DIP2A: variants seen among roughly 807,000 people sequenced by gnomAD.
DIP2A encodes disco-interacting protein 2 homolog A.
DIP2A carries 85 observed loss-of-function variants against 177.4 expected under a neutral mutation model. That is an observed-to-expected ratio of 0.48 (90% confidence interval 0.40 to 0.57). The LOEUF is 0.57. DIP2A is among the 20% of genes least tolerant of loss of function. The probability of loss-of-function intolerance (pLI) is 0.00; values close to 1 mark genes in which losing one functional copy is unlikely to be tolerated. For missense variants in DIP2A, 1,791 were observed against 2,100.2 expected (o/e 0.85, Z 2.88); for synonymous variants, 886 against 881.8 (o/e 1.00, Z -0.08).
At chr21:46,508,073 G>T (rs1336653514) in intron 6 of DIP2A, among the ~76,000 whole-genome samples, 2 of 149,830 alleles carry the variant, frequency 1.3e-5, no homozygotes, top group African/African-American at 4.9e-5. Flanking sequence ...TGACTCTGTT[G>T]CCCAGGCTGG....
Position 46,539,777 on chromosome 21 carries a change from C to G in DIP2A, c.1922-100C>G, listed in dbSNP as rs776574895. 6 of 967,906 alleles carry G rather than the reference C, an allele frequency of 6.2e-6. No homozygotes were observed. The African/African-American group carries it at 9.6e-5, about 15-fold the overall frequency. 60.0% of individuals were successfully genotyped at this position (967,906 alleles called of 1,614,324 possible). On this transcript the variant is annotated intron_variant, in intron 16 of 37. Coordinates refer to ENST00000417564, the MANE Select transcript of DIP2A (RefSeq NM_015151.4). The stretch of plus-strand genomic sequence containing the variant: ...CTTCTGCTGATGCAGCCCTGTGGTT[C>G]CGATGGCCGCAGGCTGCGCTAACTT...
rs2059639142 is a variant in DIP2A, at chr21:46,537,873, C to G, written c.1801+334C>G. 6.6e-6 allele frequency among the ~76,000 whole-genome samples: 1 copy of G among 152,156 alleles called. No homozygotes were observed. The highest frequency in any genetic ancestry group is 2.4e-5 in the African/African-American group (1 of 41,446). On this transcript the variant is annotated intron_variant, in intron 15 of 37. Transcript: ENST00000417564. The surrounding 1 kb of genome is among the most constrained non-coding windows in gnomAD (Gnocchi z 4.1). ...CACAGTTGGCAGTCTGTGTCTCTGC[C>G]CTGTGGAGCTCAGTGGCACTTCTAC...
chr21:46,490,265 T>C (rs995427041), intron 2 of DIP2A, among the ~76,000 whole-genome samples: 1 of 151,990 alleles, frequency 6.6e-6, no homozygotes, highest in African/African-American at 2.4e-5. Context: ...AATTCAGAGG[T>C]GGGCTTTGGG....
chr21:46,577,205 C>T, the DIP2A span, among the ~76,000 whole-genome samples: 117 of 152,186 alleles, frequency 7.7e-4, no homozygotes, highest in African/African-American at 2.4e-3. Flanking sequence ...AATCTCTGTC[C>T]GTGCCTATGT....
chr21:46,536,900 T>C (rs2059596518), intron 13 of DIP2A, among the ~76,000 whole-genome samples: 1 of 134,348 alleles, frequency 7.4e-6, no homozygotes, highest in Non-Finnish European at 1.7e-5. Context: ...CAAGACTCTG[T>C]CTCAAAAAAA....
rs2070428 is a variant in DIP2A, at chr21:46,556,290, A to G, written c.3498+199A>G. On this transcript the variant is annotated intron_variant, in intron 29 of 37. Transcript: ENST00000417564. The surrounding 1 kb of genome is among the most constrained non-coding windows in gnomAD (Gnocchi z 4.5). The stretch of plus-strand genomic sequence containing the variant: ...CTGAGAGTAATGCGTTTTCTGATGC[A>G]TTATGGTTATGTCTAAACTTTCTGA... 6.6e-7 allele frequency: 1 copy of G among 1,510,498 alleles called. No homozygotes were observed. The highest frequency in any genetic ancestry group is 1.2e-5 in the South Asian group (1 of 82,604). The allele number at this position is 1,510,498 out of a possible 1,614,324, so 93.6% of individuals were successfully genotyped here.
At chr21:46,554,482 C>T in intron 26 of DIP2A, 93 bp from the exon 27 acceptor site, 4 of 1,555,446 alleles carry the variant, frequency 2.6e-6, no homozygotes, top group East Asian at 2.3e-5. Context: ...CCCCCCAGCA[C>T]CACCTCCCCT....
chr21:46,536,573 T>A (rs1332453928), intron 13 of DIP2A, among the ~76,000 whole-genome samples: 1 of 152,160 alleles, frequency 6.6e-6, no homozygotes, highest in Non-Finnish European at 1.5e-5. Context: ...CACCTCTTGA[T>A]TCTGAGAAGA....
At chr21:46,461,091 G>A (rs1298674132) in intron 1 of DIP2A, among the ~76,000 whole-genome samples, 1 of 151,502 alleles carries the variant, frequency 6.6e-6, no homozygotes, top group Non-Finnish European at 1.5e-5. Context: ...TTGGAGACGG[G>A]AGTTCAGAAC....
rs559186731 is a variant in DIP2A at position 46,567,342 on chromosome 21, T to C, written c.4464-28T>C. ...CCCCTGTGACCTGTGCCTGTATCCA[T>C]GTGACCCAGTCTGTCTTCTCTCTGC... On this transcript the variant is annotated intron_variant, in intron 37 of 37. Coordinates refer to ENST00000417564, the MANE Select transcript of DIP2A (RefSeq NM_015151.4). 9.4e-6 allele frequency: 15 copies of C among 1,599,590 alleles called. No homozygotes were observed. In the South Asian group the frequency reaches 1.5e-4, roughly 16 times the overall value.
chr21:46,583,634 G>C, the DIP2A span, among the ~76,000 whole-genome samples: 1 of 152,154 alleles, frequency 6.6e-6, no homozygotes, highest in Non-Finnish European at 1.5e-5. Context: ...GAGGTGTTTG[G>C]GTCATGAGGG....
chr21:46,484,216 T>C (rs1469912924), intron 1 of DIP2A, among the ~76,000 whole-genome samples: 2 of 152,192 alleles, frequency 1.3e-5, no homozygotes, highest in Non-Finnish European at 2.9e-5. Context: ...GATATGGCCT[T>C]AGAGTTTGCA....
chr21:46,536,478 CCGG>C (rs2059576109), intron 13 of DIP2A, among the ~76,000 whole-genome samples: 1 of 152,194 alleles, frequency 6.6e-6, no homozygotes, highest in Admixed American at 6.5e-5. Context: ...AGGGGAGATG[CCGG>C]ATCACGGCCT....
At position 46,555,244 on chromosome 21, in the gene DIP2A, G is replaced by C. The variant is rs1344485368; in HGVS notation, c.3388+311G>C. The stretch of plus-strand genomic sequence containing the variant: ...CTCTGAGGCTTTCTGCAAACGCTTT[G>C]AGGACACAGCTCCCACCGCATGCCG... On this transcript the variant is annotated intron_variant, in intron 28 of 37. Coordinates refer to ENST00000417564, the MANE Select transcript of DIP2A (RefSeq NM_015151.4). 1.4e-4 allele frequency among the ~76,000 whole-genome samples: 21 copies of C among 152,274 alleles called. 2 individuals carry two copies. Among genetic ancestry groups the C allele is most frequent in the African/African-American group, 5.1e-4 (21 of 41,548 alleles).
intron 1 of DIP2A, among the ~76,000 whole-genome samples, chr21:46,463,681 T>TTC (rs758710935): frequency 5.3e-5 from 1 of 18,772 alleles, no homozygotes; most frequent in Admixed American, 4.7e-4. Flanking sequence ...GGGATATATT[T>TTC]GTGTGTGTGT....
intron 20 of DIP2A, 53 bp from the exon 21 acceptor site, chr21:46,546,862 C>A: frequency 6.2e-7 from 1 of 1,601,320 alleles, no homozygotes; most frequent in Non-Finnish European, 8.5e-7. Context: ...GGTCCTGGCG[C>A]ATCCAGCTTC....
At chr21:46,466,300 A>G (rs868618972) in intron 1 of DIP2A, among the ~76,000 whole-genome samples, 1 of 150,518 alleles carries the variant, frequency 6.6e-6, no homozygotes, top group South Asian at 2.1e-4. Context: ...ATGTAGTGAT[A>G]TGAAAAGTTC....
At chr21:46,460,004 C>G (rs1363452364) in intron 1 of DIP2A, among the ~76,000 whole-genome samples, 1 of 152,170 alleles carries the variant, frequency 6.6e-6, no homozygotes, top group Non-Finnish European at 1.5e-5. Context: ...GCAGCTACTT[C>G]CCTTGGAGCT....
At chr21:46,503,371 G>T (rs544432417) in intron 5 of DIP2A, among the ~76,000 whole-genome samples, 1 of 149,456 alleles carries the variant, frequency 6.7e-6, no homozygotes, top group East Asian at 2.0e-4. Context: ...TCTTAGTTTT[G>T]CAGCTGTTTT....
Sources: allele counts gnomAD v4.1 joint callset (sites outside exome capture counted in the v4.1 genomes callset), GRCh38; gene constraint gnomAD v4.1.1; non-coding constraint Gnocchi (gnomAD v3.1); transcripts MANE v1.5; gene names NCBI Gene and HGNC (gene_info 2026-07-23, HGNC 2026-07-21).